Variants in ANKRD42 observed in about 807,000 individuals in gnomAD.
The protein encoded by ANKRD42 is ankyrin repeat domain-containing protein 42.
Under a neutral mutation model 51.5 loss-of-function variants are expected in ANKRD42, and 43 were observed. The ratio of observed to expected loss-of-function variants is 0.83; its 90% CI spans 0.65 to 1.08. The LOEUF (loss-of-function observed/expected upper bound fraction) is 1.08. Ranked by LOEUF, ANKRD42 falls within the 50% of genes least tolerant of loss-of-function variation. The pLI, the probability that ANKRD42 is intolerant of heterozygous loss-of-function variation, is 0.00. For synonymous variants in ANKRD42, 203 were observed against 213.0 expected (o/e 0.95, Z 0.41); for missense variants, 608 against 629.3 (o/e 0.97, Z 0.36).
chr11:83,249,082 A>G, downstream of ANKRD42: 2 of 729,268 alleles, frequency 2.7e-6, no homozygotes, highest in Non-Finnish European at 3.4e-6. Flanking sequence ...AGAGGGCTAG[A>G]GGACACAGCA....
chr11:83,253,815 C>T (rs912510177), downstream of ANKRD42, among the ~76,000 whole-genome samples: 1 of 152,112 alleles, frequency 6.6e-6, no homozygotes, highest in Non-Finnish European at 1.5e-5. Flanking sequence ...TATGGAAGGC[C>T]TGTTGAATGC....
At chr11:83,219,869 A>G (rs1277611182) in intron 5 of ANKRD42, among the ~76,000 whole-genome samples, 1 of 152,240 alleles carries the variant, frequency 6.6e-6, no homozygotes, top group African/African-American at 2.4e-5. Flanking sequence ...CAAAATGGCC[A>G]TCAAATGGTG....
chr11:83,222,986 A>C (rs905504976), intron 5 of ANKRD42, among the ~76,000 whole-genome samples: 1 of 152,168 alleles, frequency 6.6e-6, no homozygotes, highest in African/African-American at 2.4e-5. Flanking sequence ...ATGGTGGCCC[A>C]TGCTTGTAGT....
At position 83,194,406 on chromosome 11, in the gene ANKRD42, C is replaced by T; in HGVS notation, c.-265C>T. Reference sequence around the variant, plus strand: ...GGGAGGAAGTAAGTGGAGACCGCGGCTACGCAGCCAGCGACTCCTCTGGTG... The same window carrying T: ...GGGAGGAAGTAAGTGGAGACCGCGGTTACGCAGCCAGCGACTCCTCTGGTG... On this transcript the variant is annotated 5_prime_UTR_variant, in exon 1 of 11. Coordinates refer to ENST00000533342, the MANE Select transcript of ANKRD42 (RefSeq NM_001300975.2). 1.5e-6 allele frequency: 1 copy of T among 674,934 alleles called. No homozygotes were observed. The highest frequency in any genetic ancestry group is 1.8e-5 in the African/African-American group (1 of 56,838). 41.8% of individuals were successfully genotyped at this position (674,934 alleles called of 1,614,324 possible).
intron 11 of ANKRD42, among the ~76,000 whole-genome samples, chr11:83,254,316 G>A (rs1658999262): frequency 6.6e-6 from 1 of 151,688 alleles, no homozygotes; most frequent in Non-Finnish European, 1.5e-5. Context: ...CTAGGAAATT[G>A]GCTACATCTG....
At chr11:83,229,954 G>A (rs752383949) in intron 7 of ANKRD42, among the ~76,000 whole-genome samples, 3 of 151,962 alleles carry the variant, frequency 2.0e-5, no homozygotes, top group Non-Finnish European at 4.4e-5. Flanking sequence ...TGGAGAATGG[G>A]GTATCCATCC....
chr11:83,242,216 T>A (rs1314353957), intron 9 of ANKRD42, among the ~76,000 whole-genome samples: 4 of 152,212 alleles, frequency 2.6e-5, no homozygotes, highest in African/African-American at 9.6e-5. Context: ...GCATCAGTAA[T>A]ACCATACTTT....
chr11:83,240,566 G>T (rs1297202339), intron 8 of ANKRD42, among the ~76,000 whole-genome samples, 193 bp from the exon 9 acceptor site: 1 of 152,192 alleles, frequency 6.6e-6, no homozygotes, highest in African/African-American at 2.4e-5. Flanking sequence ...ATTGTCCGTA[G>T]TGCCAAGTAA....
At chr11:83,219,904 A>T (rs1037063069) in intron 5 of ANKRD42, among the ~76,000 whole-genome samples, 1 of 152,244 alleles carries the variant, frequency 6.6e-6, no homozygotes. Context: ...CCTGGAGGGC[A>T]CCATGAACAG....
downstream of ANKRD42, among the ~76,000 whole-genome samples, chr11:83,262,887 A>T (rs1432541603): frequency 1.3e-5 from 2 of 152,154 alleles, no homozygotes; most frequent in Non-Finnish European, 2.9e-5. Flanking sequence ...GCAATTATAT[A>T]TTCTCCCATT....
At chr11:83,203,408 T>TC (rs1258595158) in intron 2 of ANKRD42, among the ~76,000 whole-genome samples, 7 of 150,736 alleles carry the variant, frequency 4.6e-5, no homozygotes, top group Non-Finnish European at 1.0e-4. Context: ...TTTTTTTTTT[T>TC]TTTGAGAGGG....
chr11:83,229,644 A>C (rs1020342005), intron 7 of ANKRD42, among the ~76,000 whole-genome samples: 3 of 152,162 alleles, frequency 2.0e-5, no homozygotes, highest in Non-Finnish European at 2.9e-5. Context: ...GTTCTACAAC[A>C]ACAAGGTGTT....
downstream of ANKRD42, among the ~76,000 whole-genome samples, chr11:83,252,711 T>G (rs1046192685): frequency 6.6e-6 from 1 of 152,102 alleles, no homozygotes; most frequent in Non-Finnish European, 1.5e-5. Flanking sequence ...TCTAATCTCT[T>G]TATCTCAGTC....
At position 83,206,099 on chromosome 11, in the gene ANKRD42, C is replaced by G; in HGVS notation, c.264C>G (p.His88Gln). 6.2e-7 allele frequency: 1 copy of G among 1,614,006 alleles called. No individual in the cohort carries two copies. The highest frequency in any genetic ancestry group is 8.5e-7 in the Non-Finnish European group (1 of 1,179,908). Reference protein sequence around the residue: ...WLLWHGADITHVTTRGWTASH... With the variant: ...WLLWHGADITQVTTRGWTASH... ...TCTGGCATGGAGCTGATATCACACA[C>G]GTAACAACGAGAGGTTGGACAGCAT... is the stretch of plus-strand genomic sequence containing the variant. Residue 88 changes from histidine to glutamine, a missense_variant, in exon 3 of 11, where the codon CAC (histidine) becomes CAG (glutamine). Coordinates refer to ENST00000533342, the MANE Select transcript of ANKRD42 (RefSeq NM_001300975.2).
At chr11:83,242,803 T>G (rs1863433747) in intron 9 of ANKRD42, among the ~76,000 whole-genome samples, 1 of 151,982 alleles carries the variant, frequency 6.6e-6, no homozygotes, top group Non-Finnish European at 1.5e-5. Context: ...GACCTTGTGA[T>G]CCACCCGTCT....
intron 11 of ANKRD42, among the ~76,000 whole-genome samples, chr11:83,254,835 A>G (rs1591016929): frequency 6.6e-6 from 1 of 152,184 alleles, no homozygotes; most frequent in Non-Finnish European, 1.5e-5. Flanking sequence ...TTTTCTTCAG[A>G]CTAGCCGCTA....
Position 83,245,555 on chromosome 11 carries a change from A to G in ANKRD42, c.1253A>G (p.Asn418Ser), listed in dbSNP as rs914411880. 3 of 1,536,614 alleles carry G rather than the reference A, an allele frequency of 2.0e-6. No homozygotes were observed. In the African/African-American group the frequency reaches 4.1e-5, roughly 21 times the overall value. ...CACCTCCTGGAAATTGCCGAGAGCA[A>G]CTATAAACACTTGGGAGGCATAACA... ...LRHLLEIAES[N>S]YKHLGGITEE... Residue 418 changes from asparagine (N) to serine (S), a missense_variant, in exon 10 of 11, where the codon AAC becomes AGC. Transcript: ENST00000533342.
intron 7 of ANKRD42, among the ~76,000 whole-genome samples, chr11:83,235,673 A>G (rs1863202620): frequency 6.6e-6 from 1 of 152,200 alleles, no homozygotes; most frequent in Non-Finnish European, 1.5e-5. Flanking sequence ...TTTTAAGTCT[A>G]TTCAGTTTGT....
chr11:83,222,756 A>G (rs1862753343), intron 5 of ANKRD42, among the ~76,000 whole-genome samples: 1 of 152,190 alleles, frequency 6.6e-6, no homozygotes, highest in Admixed American at 6.5e-5. Context: ...AAGAGGAGCC[A>G]TTAGAGGGTT....
Sources: allele counts gnomAD v4.1 joint callset (sites outside exome capture counted in the v4.1 genomes callset), GRCh38; gene constraint gnomAD v4.1.1; transcripts MANE v1.5; gene names NCBI Gene and HGNC (gene_info 2026-07-23, HGNC 2026-07-21).